The following FOXO3 variants were observed in gnomAD, a reference collection of about 807,000 sequenced individuals.
FOXO3 encodes the protein forkhead box O3, also known as forkhead box protein O3.
A neutral mutation model predicts 41.9 loss-of-function variants in FOXO3; 4 were observed. The ratio of observed to expected loss-of-function variants is 0.10; its 90% CI spans 0.05 to 0.22. The LOEUF (loss-of-function observed/expected upper bound fraction) is 0.22. Among genes scored for constraint, FOXO3 ranks in the 10% least tolerant of loss-of-function variants. The pLI is 1.00. For synonymous variants in FOXO3, 318 were observed against 389.3 expected (o/e 0.82, Z 2.16); for missense variants, 534 against 906.8 (o/e 0.59, Z 5.28).
At chr6:108,579,806 G>A (rs1214989583) in intron 1 of FOXO3, among the ~76,000 whole-genome samples, 1 of 152,094 alleles carries the variant, frequency 6.6e-6, no homozygotes, top group Non-Finnish European at 1.5e-5. Context: ...TCTCAGCCCA[G>A]AGAAACCCCC....
At chr6:108,568,647 G>A (rs1776011555) in intron 1 of FOXO3, among the ~76,000 whole-genome samples, 1 of 152,180 alleles carries the variant, frequency 6.6e-6, no homozygotes, top group African/African-American at 2.4e-5. Flanking sequence ...GATAGCCTTA[G>A]TTCTGGGGCT....
Position 108,681,039 on chromosome 6 carries a change from T to C in FOXO3, c.*1247T>C, listed in dbSNP as rs1239306830. 6.6e-6 allele frequency: 1 copy of C among 152,666 alleles called. No individual in the cohort carries two copies. The highest frequency in any genetic ancestry group is 1.5e-5 in the Non-Finnish European group (1 of 68,036). 9.5% of individuals were successfully genotyped at this position (152,666 alleles called of 1,614,324 possible). On this transcript the variant is annotated 3_prime_UTR_variant, in exon 3 of 3. Coordinates refer to ENST00000406360, the MANE Select transcript of FOXO3 (RefSeq NM_001455.4). ...CAAGTGACTCAATGGAAGTACAAAA[T>C]AGGGCAGTTTTAACTTTTTTTTCTG... is the stretch of plus-strand genomic sequence containing the variant.
rs146538717 is a variant in FOXO3, at chr6:108,563,678, C to T, written c.621+1849C>T. ...ACTTTAAACTTAGTTAAAACGTTAA[C>T]GTAGGAAGGCGTTTTCACCTTTCCT... On this transcript the variant is annotated intron_variant, in intron 1 of 2. Coordinates refer to ENST00000406360, the MANE Select transcript of FOXO3 (RefSeq NM_001455.4). 6.8e-3 allele frequency among the ~76,000 whole-genome samples: 1,031 copies of T among 152,280 alleles called. 17 individuals carry two copies. The highest frequency in any genetic ancestry group is 0.055 in the South Asian group (266 of 4,832).
At position 108,562,756 on chromosome 6, in the gene FOXO3, C is replaced by A. The variant is rs559305823; in HGVS notation, c.621+927C>A. Among the ~76,000 whole-genome samples the A allele has an allele frequency of 1.6e-3, 236 of 152,238 alleles. 1 individual carries two copies. The highest frequency in any genetic ancestry group is 3.4e-3 in the Middle Eastern group (1 of 294). Reference sequence around the variant, plus strand: ...TATCATCCTCTTGGGGCACGGGACACGTGGTAGGGAGAGAGGTGTGGAAAG... The same window carrying A: ...TATCATCCTCTTGGGGCACGGGACAAGTGGTAGGGAGAGAGGTGTGGAAAG... On this transcript the variant is annotated intron_variant, in intron 1 of 2. Coordinates refer to ENST00000406360, the MANE Select transcript of FOXO3 (RefSeq NM_001455.4).
chr6:108,594,842 T>C (rs1445265036), intron 1 of FOXO3, among the ~76,000 whole-genome samples: 2 of 152,190 alleles, frequency 1.3e-5, no homozygotes, highest in East Asian at 1.9e-4. Flanking sequence ...ACATGACTCC[T>C]GCCAGTCCCT....
At chr6:108,673,818 C>G (rs1370802825) in intron 2 of FOXO3, among the ~76,000 whole-genome samples, 4 of 152,094 alleles carry the variant, frequency 2.6e-5, no homozygotes, top group Non-Finnish European at 5.9e-5. Context: ...AGGGTCACAC[C>G]CAGCAAACAT....
chr6:108,670,209 A>G (rs1779178690), intron 2 of FOXO3, among the ~76,000 whole-genome samples: 2 of 152,068 alleles, frequency 1.3e-5, no homozygotes, highest in Admixed American at 1.3e-4. Flanking sequence ...ACTTGGAGAC[A>G]CATATTTACT....
chr6:108,635,883 T>A (rs1472509217), intron 1 of FOXO3, among the ~76,000 whole-genome samples: 5 of 152,242 alleles, frequency 3.3e-5, no homozygotes, highest in Non-Finnish European at 7.3e-5. Context: ...TTGGTTACGA[T>A]GACTGGAGGA....
chr6:108,609,914 G>C (rs56277946), intron 1 of FOXO3, among the ~76,000 whole-genome samples: 1,823 of 152,222 alleles, frequency 0.012, 52 homozygotes, highest in African/African-American at 0.042. Flanking sequence ...TGTGCCTGTT[G>C]AATTTTTTTT....
In FOXO3 at chr6:108,585,143, G is replaced by T. The variant is rs540104750; in HGVS notation, c.621+23314G>T. ...TGCAAGCTCCGCTTCCTGGGTTCACGCCATTCTCCTGCCTCAGCCTCCCGA... is the reference window on the plus strand; with the variant it reads ...TGCAAGCTCCGCTTCCTGGGTTCACTCCATTCTCCTGCCTCAGCCTCCCGA... On this transcript the variant is annotated intron_variant, in intron 1 of 2. Transcript: ENST00000406360. 6.5e-5 allele frequency among the ~76,000 whole-genome samples: 9 copies of T among 139,156 alleles called. No individual in the cohort carries two copies. In the South Asian group the frequency reaches 1.7e-3, roughly 26 times the overall value. The allele number at this position is 139,156 out of a possible 152,430, so 91.3% of individuals were successfully genotyped here.
intron 1 of FOXO3, among the ~76,000 whole-genome samples, chr6:108,607,263 G>T (rs1777231469): frequency 6.6e-6 from 1 of 151,968 alleles, no homozygotes; most frequent in Middle Eastern, 3.2e-3. Context: ...ACCAGCCTGG[G>T]CAACATGGCA....
chr6:108,647,739 G>A (rs1434343016), intron 1 of FOXO3, among the ~76,000 whole-genome samples: 1 of 152,118 alleles, frequency 6.6e-6, no homozygotes, highest in Admixed American at 6.5e-5. Flanking sequence ...AAAGGGGAGG[G>A]AAAAGAAAAT....
chr6:108,665,875 C>T (rs926613338), intron 2 of FOXO3, among the ~76,000 whole-genome samples: 2 of 149,818 alleles, frequency 1.3e-5, no homozygotes, highest in South Asian at 2.1e-4. Context: ...TGAGGGAGTA[C>T]TTACTCGTGT....
At chr6:108,570,747 AT>A (rs996359615) in intron 1 of FOXO3, among the ~76,000 whole-genome samples, 3 of 152,266 alleles carry the variant, frequency 2.0e-5, no homozygotes, top group African/African-American at 4.8e-5. Flanking sequence ...GATGTCAAGT[AT>A]TTTTTTCTCC....
rs139092842 is a variant in FOXO3, at chr6:108,587,489, A to C, written c.621+25660A>C. ...TGTGCCCACCTGTGGCACATGTATT[A>C]TGCAAATTCATGCAAAAATATATAT... is the stretch of plus-strand genomic sequence containing the variant. On this transcript the variant is annotated intron_variant, in intron 1 of 2. Coordinates refer to ENST00000406360, the MANE Select transcript of FOXO3 (RefSeq NM_001455.4). 1.6e-4 allele frequency among the ~76,000 whole-genome samples: 25 copies of C among 152,282 alleles called. No individual in the cohort carries two copies. In the East Asian group the frequency reaches 4.3e-3, roughly 26 times the overall value.
rs375939375 is a variant in FOXO3, at chr6:108,583,536, C to A, written c.621+21707C>A. On this transcript the variant is annotated intron_variant, in intron 1 of 2. Coordinates refer to ENST00000406360, the MANE Select transcript of FOXO3 (RefSeq NM_001455.4). ...AGCAGTTGGCTGCAAGAGAAATTTG[C>A]AGTTTCACCAGTCTTAATGCTGGGC... Among the ~76,000 whole-genome samples, 8 of 152,306 alleles carry A rather than the reference C, an allele frequency of 5.3e-5. No homozygotes were observed. The South Asian group carries it at 1.5e-3, about 28-fold the overall frequency.
chr6:108,565,762 CTTAT>C (rs1228158109), intron 1 of FOXO3, among the ~76,000 whole-genome samples: 2 of 152,206 alleles, frequency 1.3e-5, no homozygotes, highest in Non-Finnish European at 2.9e-5. Context: ...TCACATAATG[CTTAT>C]TTGTGTCCTC....
At chr6:108,633,652 A>C (rs547413753) in intron 1 of FOXO3, among the ~76,000 whole-genome samples, 10 of 152,298 alleles carry the variant, frequency 6.6e-5, no homozygotes, top group African/African-American at 2.2e-4. Context: ...AAGCTCTTTG[A>C]CATGGTGCTA....
chr6:108,561,475 C>A lies in FOXO3; in HGVS notation c.267C>A (p.Gly89=). 1 of 1,513,414 alleles carries A rather than the reference C, an allele frequency of 6.6e-7. No homozygotes were observed. The highest frequency in any genetic ancestry group is 2.1e-5 in the Admixed American group (1 of 47,272). The allele number at this position is 1,513,414 out of a possible 1,614,324, so 93.7% of individuals were successfully genotyped here. Residue 89 remains glycine (G), a synonymous_variant, in exon 1 of 3, where the codon GGC becomes GGA. Coordinates refer to ENST00000406360, the MANE Select transcript of FOXO3 (RefSeq NM_001455.4). ...IGGGGGSGTL[G]SGLLLEDSAR... is the part of the protein sequence containing the mutation. ...GCGGCGGCGGGAGCGGCACGCTGGG[C>A]TCCGGGCTGCTCCTTGAGGACTCGG...
Sources: gnomAD v4.1 joint callset for allele counts (sites outside exome capture counted in the v4.1 genomes callset) on GRCh38, gnomAD v4.1.1 for gene constraint, MANE v1.5 for transcripts, NCBI Gene and HGNC (gene_info 2026-07-23, HGNC 2026-07-21) for gene names.